ATXN1: variants seen among roughly 807,000 people sequenced by gnomAD.
ATXN1 encodes the protein ataxin 1, also known as ataxin-1.
Under a neutral mutation model 56.4 loss-of-function variants are expected in ATXN1, and 8 were observed. That is an observed-to-expected ratio of 0.14 (90% CI 0.08 to 0.26). ATXN1 has a LOEUF of 0.26. Among genes scored for constraint, ATXN1 ranks in the 10% least tolerant of loss-of-function variants. The probability of loss-of-function intolerance (pLI) is 1.00; values close to 1 mark genes in which losing one functional copy is unlikely to be tolerated. For missense variants in ATXN1, 987 were observed against 1,106.5 expected (o/e 0.89, Z 1.53); for synonymous variants, 514 against 494.6 (o/e 1.04, Z -0.52).
At chr6:16,440,684 C>T (rs1166942232) in intron 6 of ATXN1, among the ~76,000 whole-genome samples, 3 of 122,490 alleles carry the variant, frequency 2.4e-5, no homozygotes. Context: ...AGCGGGAATT[C>T]AGGGAAGATG....
intron 5 of ATXN1, among the ~76,000 whole-genome samples, chr6:16,489,212 A>T (rs1197827815): frequency 6.6e-6 from 1 of 152,158 alleles, no homozygotes; most frequent in Non-Finnish European, 1.5e-5. Context: ...ACCTCCTAAC[A>T]GCATCTAGTG....
chr6:16,630,160 T>A (rs1011428482), intron 3 of ATXN1, among the ~76,000 whole-genome samples: 6 of 152,202 alleles, frequency 3.9e-5, no homozygotes, highest in Non-Finnish European at 8.8e-5. Context: ...TCCTTCCAAC[T>A]GTGGGCATTC....
intron 2 of ATXN1, among the ~76,000 whole-genome samples, chr6:16,677,071 C>A (rs1010284412): frequency 6.6e-6 from 1 of 152,156 alleles, no homozygotes. Flanking sequence ...CCACTGCGAG[C>A]AAAGCACCAT....
intron 5 of ATXN1, among the ~76,000 whole-genome samples, chr6:16,489,851 A>T (rs1581796644): frequency 6.6e-6 from 1 of 152,146 alleles, no homozygotes; most frequent in African/African-American, 2.4e-5. Context: ...AAATGGCTAG[A>T]GGGTCTTGTT....
chr6:16,593,495 C>G (rs1238889542), intron 3 of ATXN1, among the ~76,000 whole-genome samples: 1 of 152,150 alleles, frequency 6.6e-6, no homozygotes, highest in Non-Finnish European at 1.5e-5. Context: ...AATGAACAGG[C>G]ATACACCGAC....
chr6:16,581,654 A>C (rs1349835094), intron 4 of ATXN1, among the ~76,000 whole-genome samples: 1 of 152,142 alleles, frequency 6.6e-6, no homozygotes, highest in Non-Finnish European at 1.5e-5. Context: ...CTGGAACCTA[A>C]AATCTGTTTA....
chr6:16,654,804 C>A (rs917231485), intron 3 of ATXN1, among the ~76,000 whole-genome samples: 1 of 152,130 alleles, frequency 6.6e-6, no homozygotes, highest in African/African-American at 2.4e-5. Context: ...ATGTTGATTA[C>A]AGGAAGGATA....
chr6:16,577,523 CAAAAA>C (rs61193572), intron 4 of ATXN1, among the ~76,000 whole-genome samples: 3 of 77,016 alleles, frequency 3.9e-5, no homozygotes, highest in African/African-American at 7.1e-5. Context: ...GACTCTGTCT[CAAAAA>C]AAAAAAAAAA....
At chr6:16,700,110 G>C (rs956934074) in intron 2 of ATXN1, among the ~76,000 whole-genome samples, 1 of 152,080 alleles carries the variant, frequency 6.6e-6, no homozygotes, top group African/African-American at 2.4e-5. Context: ...ACATGTGGTA[G>C]GCAGTTTGTG....
chr6:16,503,174 G>A (rs572676837), intron 5 of ATXN1, among the ~76,000 whole-genome samples: 8 of 151,976 alleles, frequency 5.3e-5, no homozygotes, highest in Non-Finnish European at 1.2e-4. Context: ...TAGTTTTATC[G>A]GTTCCTCCTA....
At chr6:16,528,398 C>T (rs574192681) in intron 4 of ATXN1, among the ~76,000 whole-genome samples, 1 of 152,198 alleles carries the variant, frequency 6.6e-6, no homozygotes, top group South Asian at 2.1e-4. Flanking sequence ...CATAACATAT[C>T]ATGTATTCCA....
In ATXN1 at chr6:16,520,348, T is replaced by TA. The variant is rs980162868; in HGVS notation, c.-299+2278dup. On this transcript the variant is annotated intron_variant, in intron 5 of 7. Coordinates refer to ENST00000436367, the MANE Select transcript of ATXN1 (RefSeq NM_001128164.2). ...TTTAGTTTTTTCTCATTTGGTAAAA[T>TA]AAAAAAATTACGGCTTGTAATATTT... 1.8e-4 allele frequency among the ~76,000 whole-genome samples: 27 copies of TA among 152,288 alleles called. 1 individual carries two copies. The highest frequency in any genetic ancestry group is 2.1e-4 in the South Asian group (1 of 4,828).
In ATXN1 at chr6:16,410,591, T is replaced by A. The variant is rs1758776118; in HGVS notation, c.-161+75381A>T. ...TATCATTCCCTTCCCTACATAAAGA[T>A]AATATGCAAAAAATCCAAAAGGGTG... is the stretch of plus-strand genomic sequence containing the variant. On this transcript the variant is annotated intron_variant, in intron 6 of 7. Coordinates refer to ENST00000436367, the MANE Select transcript of ATXN1 (RefSeq NM_001128164.2). The surrounding 1 kb of genome is among the most constrained non-coding windows in gnomAD (Gnocchi z 4.6). Among the ~76,000 whole-genome samples, 1 of 152,250 alleles carries A rather than the reference T, an allele frequency of 6.6e-6. No individual in the cohort carries two copies. The highest frequency in any genetic ancestry group is 1.5e-5 in the Non-Finnish European group (1 of 68,042).
Position 16,457,198 on chromosome 6 carries a change from G to A in ATXN1, c.-161+28774C>T, listed in dbSNP as rs116293158. ...CTGACTTTTCTCAGTCCTCTTTGTG[G>A]TCTAAAGACGAAAGGCAAGGGTGCA... On this transcript the variant is annotated intron_variant, in intron 6 of 7. Coordinates refer to ENST00000436367, the MANE Select transcript of ATXN1 (RefSeq NM_001128164.2). Among the ~76,000 whole-genome samples, 428 of 152,216 alleles carry A rather than the reference G, an allele frequency of 2.8e-3. 3 individuals are homozygous for A. The highest frequency in any genetic ancestry group is 9.3e-3 in the African/African-American group (387 of 41,544).
intron 3 of ATXN1, among the ~76,000 whole-genome samples, chr6:16,593,208 C>A (rs540047580): frequency 3.3e-5 from 5 of 152,336 alleles, no homozygotes; most frequent in African/African-American, 1.2e-4. Flanking sequence ...CAGCTGGCTT[C>A]ACCTCTCAAT....
chr6:16,554,493 C>A, intron 4 of ATXN1, among the ~76,000 whole-genome samples: 1 of 152,174 alleles, frequency 6.6e-6, no homozygotes, highest in Non-Finnish European at 1.5e-5. Flanking sequence ...TTCTTGTCGC[C>A]CAGGCTGGAG....
At chr6:16,454,125 C>CAAAAAACAAAAAA (rs1759816246) in intron 6 of ATXN1, among the ~76,000 whole-genome samples, 1 of 76,670 alleles carries the variant, frequency 1.3e-5, no homozygotes, top group East Asian at 5.0e-4. Context: ...GACTCTGTCT[C>CAAAAAACAAAAAA]AAAAAAAAAA....
intron 4 of ATXN1, among the ~76,000 whole-genome samples, chr6:16,560,147 T>C (rs969196766): frequency 1.5e-4 from 23 of 152,238 alleles, no homozygotes; most frequent in African/African-American, 5.5e-4. Context: ...TTATTCTGCG[T>C]AGCTGAATTT....
chr6:16,697,587 T>G (rs929130999), intron 2 of ATXN1, among the ~76,000 whole-genome samples: 2 of 151,940 alleles, frequency 1.3e-5, no homozygotes, highest in African/African-American at 4.8e-5. Context: ...TCCCCATAGT[T>G]CCACCCGCCC....
Sources: gnomAD v4.1 joint callset for allele counts (sites outside exome capture counted in the v4.1 genomes callset) on GRCh38, gnomAD v4.1.1 for gene constraint, Gnocchi (gnomAD v3.1) non-coding constraint, MANE v1.5 for transcripts, NCBI Gene and HGNC (gene_info 2026-07-23, HGNC 2026-07-21) for gene names.